KCNQ3: variants seen among roughly 807,000 people sequenced by gnomAD.
KCNQ3 encodes potassium voltage-gated channel subfamily KQT member 3.
KCNQ3 carries 30 observed loss-of-function variants against 92.5 expected under a neutral mutation model. The ratio of observed to expected loss-of-function variants is 0.32; its 90% CI spans 0.24 to 0.44. The LOEUF (loss-of-function observed/expected upper bound fraction) is 0.44. Ranked by LOEUF, KCNQ3 falls within the 20% of genes least tolerant of loss-of-function variation. The pLI, the probability that KCNQ3 is intolerant of heterozygous loss-of-function variation, is 1.00. For missense variants in KCNQ3, 913 were observed against 1,140.3 expected (o/e 0.80, Z 2.87); for synonymous variants, 450 against 468.8 (o/e 0.96, Z 0.52).
At chr8:132,310,506 G>A (rs1817563494) in intron 1 of KCNQ3, among the ~76,000 whole-genome samples, 1 of 152,190 alleles carries the variant, frequency 6.6e-6, no homozygotes, top group Non-Finnish European at 1.5e-5. Context: ...GGGGTGGGCA[G>A]CAGAGGACGA....
chr8:132,283,092 C>CGTGTGT (rs1195934839), intron 1 of KCNQ3, among the ~76,000 whole-genome samples: 104 of 130,692 alleles, frequency 8.0e-4, no homozygotes, highest in South Asian at 2.2e-3. Flanking sequence ...CTCTCTCTCT[C>CGTGTGT]GTGTGTGTGT....
intron 1 of KCNQ3, among the ~76,000 whole-genome samples, chr8:132,316,639 G>C (rs944298567): frequency 3.3e-5 from 5 of 152,202 alleles, no homozygotes; most frequent in African/African-American, 1.2e-4. Flanking sequence ...TGCTGCTGCA[G>C]ACCAGCTGTG....
chr8:132,429,614 A>G (rs1821196359), intron 1 of KCNQ3, among the ~76,000 whole-genome samples: 1 of 152,176 alleles, frequency 6.6e-6, no homozygotes, highest in African/African-American at 2.4e-5. Context: ...TAATCCCAGC[A>G]CGTTGGGAAG....
intron 1 of KCNQ3, among the ~76,000 whole-genome samples, chr8:132,347,960 G>A (rs1372061601): frequency 7.9e-6 from 1 of 126,926 alleles, no homozygotes; most frequent in Non-Finnish European, 1.6e-5. Context: ...CTGGGCGACA[G>A]AGCGAGAGAC....
intron 1 of KCNQ3, among the ~76,000 whole-genome samples, chr8:132,411,155 C>G (rs963186517): frequency 1.3e-5 from 2 of 152,184 alleles, no homozygotes; most frequent in Non-Finnish European, 2.9e-5. Flanking sequence ...AAAGGTTCCA[C>G]CTGAGGAGGT....
In KCNQ3 at chr8:132,129,795, G is replaced by T. The variant is rs1055327554; in HGVS notation, c.2086C>A (p.Pro696Thr). ...ATGGTCACCTGGTGGAAGCTGTAGG[G>T]TGGTTCCGGGGGGCCTGTCTCAGAA... Reference protein sequence around the residue: ...NYSETGPPEPPYSFHQVTIDK... With the variant: ...NYSETGPPEPTYSFHQVTIDK... The change falls in exon 15 of 15, where the codon CCC (proline) becomes ACC (threonine). Residue 696 changes from proline (P) to threonine (T), a missense_variant. This residue lies in a region of KCNQ3 where 375 missense variants were observed against 376.4 expected (regional missense o/e 1.00). Transcript: ENST00000388996. The surrounding 1 kb of genome is among the most constrained non-coding windows in gnomAD (Gnocchi z 5.9). The T allele has an allele frequency of 9.9e-6, 16 of 1,614,082 alleles. No homozygotes were observed. The highest frequency in any genetic ancestry group is 1.3e-5 in the African/African-American group (1 of 74,928).
chr8:132,419,967 T>C (rs1820923445), intron 1 of KCNQ3, among the ~76,000 whole-genome samples: 1 of 152,214 alleles, frequency 6.6e-6, no homozygotes, highest in Non-Finnish European at 1.5e-5. Flanking sequence ...TGGGCTGTTA[T>C]AACAAAGTAC....
At chr8:132,246,657 C>G (rs1815190177) in intron 1 of KCNQ3, among the ~76,000 whole-genome samples, 1 of 152,196 alleles carries the variant, frequency 6.6e-6, no homozygotes, top group South Asian at 2.1e-4. Flanking sequence ...ACCGTTATAT[C>G]AGATTATTTA....
intron 1 of KCNQ3, among the ~76,000 whole-genome samples, chr8:132,257,863 G>A (rs1163421637): frequency 2.0e-5 from 3 of 151,882 alleles, no homozygotes; most frequent in Non-Finnish European, 4.4e-5. Flanking sequence ...TAGAGAGCTG[G>A]GGTGGCCATA....
chr8:132,404,300 G>T (rs114086375), intron 1 of KCNQ3, among the ~76,000 whole-genome samples: 3,224 of 152,204 alleles, frequency 0.021, 121 homozygotes, highest in African/African-American at 0.073. Context: ...CTTTTCCCTG[G>T]GTTAAGAAGT....
intron 6 of KCNQ3, among the ~76,000 whole-genome samples, 167 bp downstream of exon 6, chr8:132,174,072 G>C (rs1826468568): frequency 6.6e-6 from 1 of 152,200 alleles, no homozygotes; most frequent in African/African-American, 2.4e-5. Context: ...GCAAAGGAAA[G>C]CAGCAGGGCC....
intron 9 of KCNQ3, among the ~76,000 whole-genome samples, chr8:132,146,937 C>T (rs1236736116): frequency 1.3e-5 from 2 of 149,736 alleles, no homozygotes; most frequent in Non-Finnish European, 3.0e-5. Flanking sequence ...GGATTAGAGG[C>T]GTGAGCTGTT....
At chr8:132,133,236 A>G (rs918299387) in intron 13 of KCNQ3, among the ~76,000 whole-genome samples, 11 of 151,932 alleles carry the variant, frequency 7.2e-5, no homozygotes, top group Non-Finnish European at 1.5e-5. Context: ...CCTCTTTTAG[A>G]TGGGGCACGC....
At chr8:132,180,957 G>T (rs1373999670) in intron 3 of KCNQ3, among the ~76,000 whole-genome samples, 1 of 151,948 alleles carries the variant, frequency 6.6e-6, no homozygotes, top group East Asian at 1.9e-4. Flanking sequence ...TCTGTTTCTT[G>T]CCTCCTGCTG....
chr8:132,225,017 A>T (rs1563812587), intron 1 of KCNQ3, among the ~76,000 whole-genome samples: 1 of 152,202 alleles, frequency 6.6e-6, no homozygotes. Context: ...ATGATGCTAC[A>T]TTAATCAATC....
chr8:132,334,380 G>A (rs1038791353), intron 1 of KCNQ3, among the ~76,000 whole-genome samples: 9 of 151,950 alleles, frequency 5.9e-5, no homozygotes, highest in Non-Finnish European at 1.2e-4. Flanking sequence ...GGCTGAGGCA[G>A]GAGAATCACC....
intron 1 of KCNQ3, among the ~76,000 whole-genome samples, chr8:132,218,961 A>T (rs894646046): frequency 2.6e-5 from 4 of 152,170 alleles, no homozygotes; most frequent in Admixed American, 2.6e-4. Flanking sequence ...TTTCTACAAC[A>T]TTGACCTTTG....
intron 1 of KCNQ3, among the ~76,000 whole-genome samples, chr8:132,337,534 C>G (rs750545939): frequency 6.6e-6 from 1 of 151,952 alleles, no homozygotes; most frequent in Admixed American, 6.6e-5. Context: ...AACAAACAAA[C>G]AAAACTTTAG....
chr8:132,147,103 T>G (rs779749442), intron 9 of KCNQ3, among the ~76,000 whole-genome samples: 11 of 152,180 alleles, frequency 7.2e-5, no homozygotes, highest in Admixed American at 4.6e-4. Flanking sequence ...AGAGAGAGAC[T>G]GAAAAGGAAG....
Sources: allele counts gnomAD v4.1 joint callset (sites outside exome capture counted in the v4.1 genomes callset), GRCh38; gene constraint gnomAD v4.1.1; regional missense constraint gnomAD v4.1.1; non-coding constraint Gnocchi (gnomAD v3.1); transcripts MANE v1.5; gene names NCBI Gene and HGNC (gene_info 2026-07-23, HGNC 2026-07-21).